Variants in WDR90 observed in about 807,000 individuals in gnomAD.
WDR90 encodes WD repeat-containing protein 90.
WDR90 carries 238 observed loss-of-function variants against 195.2 expected under a neutral mutation model. The observed-to-expected ratio is 1.22, with a 90% CI of 1.10 to 1.36. WDR90 has a LOEUF of 1.36. Ranked by LOEUF, WDR90 falls within the 40% of genes most tolerant of loss-of-function variation. WDR90 has a pLI of 0.00. For synonymous variants in WDR90, 1,265 were observed against 1,052.4 expected, an observed-to-expected ratio of 1.20 and a Z score of -3.91; for missense variants, 2,734 against 2,439.5, an observed-to-expected ratio of 1.12 and a Z score of -2.54.
intron 29 of WDR90, 40 bp downstream of exon 29, chr16:661,212 C>G: frequency 6.6e-7 from 1 of 1,517,258 alleles, no homozygotes; most frequent in Non-Finnish European, 8.8e-7. Context: ...CCAGGGCCAC[C>G]GTGCCCGGCA....
chr16:656,680 C>T (rs1216306866), intron 18 of WDR90, 52 bp from the exon 19 acceptor site: 30 of 1,587,886 alleles, frequency 1.9e-5, no homozygotes, highest in Non-Finnish European at 2.6e-5. Flanking sequence ...CTGGAGAGCC[C>T]CTGGGCCCTT....
In WDR90 at chr16:655,071, G is replaced by A. The variant is rs1419031214; in HGVS notation, c.1480G>A (p.Glu494Lys). Residue 494 changes from glutamate to lysine, a missense_variant, in exon 14 of 41, where the codon GAG becomes AAG. Glu to Lys is a moderately conservative substitution (Grantham distance 56). Transcript: ENST00000293879. ...CACCGGCCAGGTGGGCCTCGGTGGC[G>A]AGGTGGTCGTTCTGGCAAAGGCGCA... ...WGTGQVGLGG[E>K]VVVLAKAHTD... 4.3e-6 allele frequency: 7 copies of A among 1,612,754 alleles called. No individual in the cohort carries two copies. The highest frequency in any genetic ancestry group is 2.2e-5 in the East Asian group (1 of 44,880).
rs772057729 is a variant in WDR90 at position 655,166 on chromosome 16, C to T, written c.1556+19C>T. 6.2e-7 allele frequency: 1 copy of T among 1,612,278 alleles called. No homozygotes were observed. Among genetic ancestry groups the T allele is most frequent in the Non-Finnish European group, 8.5e-7 (1 of 1,179,610 alleles). The stretch of plus-strand genomic sequence containing the variant: ...AAACCAGGTGATGCAGCCGCCCATC[C>T]ACGATGTTGGGAGAGGGTCTGGGCC... On this transcript the variant is annotated intron_variant, in intron 14 of 40. Transcript: ENST00000293879.
rs765157430 is a variant in WDR90 at position 666,120 on chromosome 16, C to T, written c.4605C>T (p.Thr1535=). The T allele has an allele frequency of 1.2e-5, 19 of 1,609,512 alleles. No individual in the cohort carries two copies. Among genetic ancestry groups the T allele is most frequent in the Admixed American group, 1.2e-4 (7 of 59,918 alleles). The change falls in exon 36 of 41, where the codon ACC becomes ACT. Residue 1535 remains threonine, a synonymous_variant. Transcript: ENST00000293879. The part of the protein sequence containing the change: ...PVALTTVAFS[T]DGQTVLSGDK... The stretch of plus-strand genomic sequence containing the variant: ...CGCTGACCACTGTTGCCTTCTCCAC[C>T]GATGGTGAGGAGTTGGGTGTGTTGG...
At chr16:655,212 G>A (rs763083655) in intron 14 of WDR90, 65 bp downstream of exon 14, 12 of 1,612,152 alleles carry the variant, frequency 7.4e-6, no homozygotes, top group East Asian at 4.5e-5. Context: ...GCCGAGGCCC[G>A]AGCACCTCCC....
In WDR90 at chr16:665,439, C is replaced by T. The variant is rs1476480251; in HGVS notation, c.4312-240C>T. On this transcript the variant is annotated intron_variant, in intron 34 of 40. Coordinates refer to ENST00000293879, the MANE Select transcript of WDR90 (RefSeq NM_145294.5). The stretch of plus-strand genomic sequence containing the variant: ...GGTGCTGTCAGAACAGCTTTCTCCT[C>T]GGTATCCCGCCGGGTTTGACTGGCT... 43 of 618,916 alleles carry T rather than the reference C, an allele frequency of 6.9e-5. 1 individual carries two copies. The highest frequency in any genetic ancestry group is 6.6e-4 in the South Asian group (34 of 51,378). 38.3% of individuals were successfully genotyped at this position (618,916 alleles called of 1,614,324 possible). A position where few individuals can be genotyped will look rare whatever the true frequency, so the allele number is the denominator to read the frequency against.
In WDR90 at chr16:656,828, C is replaced by A. The variant is rs747005220; in HGVS notation, c.2299C>A (p.Arg767Ser). 1.2e-6 allele frequency: 2 copies of A among 1,612,894 alleles called. No individual in the cohort carries two copies. The highest frequency in any genetic ancestry group is 1.7e-6 in the Non-Finnish European group (2 of 1,179,970). Residue 767 changes from arginine (R) to serine (S), a missense_variant, in exon 19 of 41, where the codon CGC becomes AGC. Physicochemically the swap from Arg to Ser is moderately radical, Grantham distance 110 (BLOSUM62 -1). Transcript: ENST00000293879. The stretch of plus-strand genomic sequence containing the variant: ...CTGTGGCTTTAGCAGTGGGGCCGTG[C>A]GCTCCTTCAGCCTGGAGGCCGCTGA... ...FFCGFSSGAVRSFSLEAAEVL... is the reference protein window; with the variant it reads ...FFCGFSSGAVSSFSLEAAEVL...
intron 40 of WDR90, 88 bp downstream of exon 40, chr16:667,077 C>T (rs2151414839): frequency 8.7e-6 from 12 of 1,380,858 alleles, no homozygotes; most frequent in Non-Finnish European, 2.0e-6. Flanking sequence ...GGTGCCTCAC[C>T]TGTGCCCCGG....
In WDR90 at chr16:661,834, G is replaced by T; in HGVS notation, c.3864+47G>T. The T allele has an allele frequency of 1.9e-6, 3 of 1,588,000 alleles. No individual in the cohort carries two copies. The South Asian group carries it at 3.4e-5, about 18-fold the overall frequency. The stretch of plus-strand genomic sequence containing the variant: ...GGCCCAGGGGTTGTTTTGTGGGGTG[G>T]AATCTGCCTGGGCCCCGGGACACTG... On this transcript the variant is annotated intron_variant, in intron 31 of 40. Transcript: ENST00000293879.
Position 661,106 on chromosome 16 carries a change from C to A in WDR90, c.3447C>A (p.Gly1149=). ...RLVVVEDLHS[G]AQQHWSGHSA... ...TGGTGGTGGAGGACCTGCACTCTGG[C>A]GCCCAGCAGCACTGGTCCGGCCACT... Residue 1149 remains glycine (G), a synonymous_variant, in exon 29 of 41, where the codon GGC becomes GGA. Transcript: ENST00000293879. 1.3e-6 allele frequency: 2 copies of A among 1,563,424 alleles called. No homozygotes were observed. The highest frequency in any genetic ancestry group is 1.8e-5 in the Admixed American group (1 of 55,522).
intron 23 of WDR90, 28 bp from the exon 24 acceptor site, chr16:658,868 G>A (rs1321823486): frequency 1.2e-6 from 2 of 1,608,660 alleles, no homozygotes; most frequent in South Asian, 2.2e-5. Context: ...CCGCCTCGGG[G>A]TCCTGCATGT....
Position 655,805 on chromosome 16 carries a change from T to C in WDR90, c.1882T>C (p.Ser628Pro). Residue 628 changes from serine to proline, a missense_variant, in exon 17 of 41, where the codon TCC (serine) becomes CCC (proline). Transcript: ENST00000293879. ...PGIAISSLSV[S>P]PAMCAVGSED... ...CATTGCCATCAGCAGCCTCAGCGTC[T>C]CCCCGGCCATGTGTGCTGTGGGCTC... The C allele has an allele frequency of 3.8e-6, 6 of 1,591,422 alleles. No individual in the cohort carries two copies. The highest frequency in any genetic ancestry group is 5.1e-6 in the Non-Finnish European group (6 of 1,170,444).
At position 661,056 on chromosome 16, in the gene WDR90, T is replaced by C. The variant is rs1208957830; in HGVS notation, c.3397T>C (p.Phe1133Leu). ...CCCGCCCTCTCTGCGCACAGGCTTCTTTGCCTACACGTGCGGCCGCCTGGT... is the reference window on the plus strand; with the variant it reads ...CCCGCCCTCTCTGCGCACAGGCTTCCTTGCCTACACGTGCGGCCGCCTGGT... ...NMVWRPDTGF[F>L]AYTCGRLVVV... Residue 1133 changes from phenylalanine to leucine, a missense_variant, in exon 29 of 41, where the codon TTT (phenylalanine) becomes CTT (leucine). Transcript: ENST00000293879. 4.9e-6 allele frequency: 6 copies of C among 1,223,652 alleles called. No homozygotes were observed. The Admixed American group carries it at 1.5e-4, about 30-fold the overall frequency. 75.8% of individuals were successfully genotyped at this position (1,223,652 alleles called of 1,614,324 possible). A position where few individuals can be genotyped will look rare whatever the true frequency, so the allele number is the denominator to read the frequency against.
Position 662,266 on chromosome 16 carries a change from G to T in WDR90, c.4080G>T (p.Thr1360=), listed in dbSNP as rs779927409. ...CTCGATTGGTCAGCGGCAGCAGCAC[G>T]GGGCGGCTGCGCCTGTGGGCCGTGG... ...SGSRLVSGSS[T]GRLRLWAVGA... Residue 1360 remains threonine, a synonymous_variant, in exon 33 of 41, where the codon ACG becomes ACT. Coordinates refer to ENST00000293879, the MANE Select transcript of WDR90 (RefSeq NM_145294.5). 1.3e-6 allele frequency: 2 copies of T among 1,585,618 alleles called. No homozygotes were observed. The highest frequency in any genetic ancestry group is 2.3e-5 in the East Asian group (1 of 43,592).
In WDR90 at chr16:655,687, G is replaced by A. The variant is rs1437932770; in HGVS notation, c.1833G>A (p.Lys611=). 34 of 1,597,552 alleles carry A rather than the reference G, an allele frequency of 2.1e-5. No individual in the cohort carries two copies. The highest frequency in any genetic ancestry group is 2.8e-5 in the Non-Finnish European group (33 of 1,171,940). ...TRTPGGPHPQ[K]QTFSSGPGIA... ...CTCCAGGCGGTCCCCACCCACAGAA[G>A]CAGACCTTCAGCTCAGGTAAGAGGG... The change falls in exon 16 of 41, where the codon AAG becomes AAA. Residue 611 remains lysine, a synonymous_variant. Coordinates refer to ENST00000293879, the MANE Select transcript of WDR90 (RefSeq NM_145294.5).
chr16:651,800 C>T (rs771748609), intron 8 of WDR90, 27 bp from the exon 9 acceptor site: 12 of 1,611,602 alleles, frequency 7.4e-6, no homozygotes, highest in African/African-American at 2.7e-5. Context: ...TGGCCCAGGA[C>T]GCTGATGGGC....
intron 34 of WDR90, among the ~76,000 whole-genome samples, chr16:664,518 T>C (rs1267312401): frequency 2.0e-5 from 3 of 152,132 alleles, no homozygotes; most frequent in East Asian, 1.9e-4. Context: ...TCCTGTGATG[T>C]GGAAGTGCGA....
At chr16:657,535 C>T (rs1596463760) in intron 20 of WDR90, among the ~76,000 whole-genome samples, 1 of 152,208 alleles carries the variant, frequency 6.6e-6, no homozygotes, top group African/African-American at 2.4e-5. Flanking sequence ...AACTTGGGCC[C>T]CCTGAGTGGT....
intron 4 of WDR90, 66 bp from the exon 5 acceptor site, chr16:650,473 C>T (rs1402147016): frequency 2.6e-5 from 42 of 1,587,682 alleles, no homozygotes; most frequent in Non-Finnish European, 3.5e-5. Flanking sequence ...GGGGCACAAG[C>T]TCACAGTTCT....
Sources: allele counts gnomAD v4.1 joint callset (sites outside exome capture counted in the v4.1 genomes callset), GRCh38; gene constraint gnomAD v4.1.1; transcripts MANE v1.5; gene names NCBI Gene and HGNC (gene_info 2026-07-23, HGNC 2026-07-21).